The following ASPH variants were observed in gnomAD, a reference collection of about 807,000 sequenced individuals.
The protein encoded by ASPH is aspartyl/asparaginyl beta-hydroxylase.
Under a neutral mutation model 118.4 loss-of-function variants are expected in ASPH, and 100 were observed. The ratio of observed to expected loss-of-function variants is 0.84; its 90% CI spans 0.72 to 1.00. The LOEUF (loss-of-function observed/expected upper bound fraction) is 1.00. ASPH is among the 50% of genes least tolerant of loss of function. ASPH has a pLI of 0.00. For synonymous variants in ASPH, 315 were observed against 325.6 expected (o/e 0.97, Z 0.35); for missense variants, 920 against 919.5 (o/e 1.00, Z -0.01).
intron 14 of ASPH, among the ~76,000 whole-genome samples, chr8:61,603,366 C>T (rs180829347): frequency 4.6e-5 from 7 of 152,146 alleles, no homozygotes; most frequent in African/African-American, 7.2e-5. Flanking sequence ...GACAGCAATT[C>T]GTTTTGTGTG....
intron 24 of ASPH, among the ~76,000 whole-genome samples, chr8:61,511,716 G>C (rs1808884778): frequency 6.6e-6 from 1 of 152,188 alleles, no homozygotes; most frequent in African/African-American, 2.4e-5. Context: ...TGATTCTCCT[G>C]CTTCAGCCTC....
Position 61,676,063 on chromosome 8 carries a change from C to T in ASPH, c.322+4905G>A. 4 of 1,598,824 alleles carry T rather than the reference C, an allele frequency of 2.5e-6. No individual in the cohort carries two copies. In the South Asian group the frequency reaches 3.3e-5, roughly 13 times the overall value. On this transcript the variant is annotated intron_variant, in intron 3 of 24. Coordinates refer to ENST00000379454, the MANE Select transcript of ASPH (RefSeq NM_004318.4). ...TGTTCATTAGCCAATGACTTCAGTC[C>T]CTGAATCAAGGTTACTGGTTATGTA... is the stretch of plus-strand genomic sequence containing the variant.
At chr8:61,553,330 C>G (rs554192991) in intron 19 of ASPH, among the ~76,000 whole-genome samples, 10 of 152,334 alleles carry the variant, frequency 6.6e-5, no homozygotes, top group African/African-American at 2.2e-4. Flanking sequence ...ACAATGCATT[C>G]ATCATTAATT....
At chr8:61,632,439 G>C (rs1212832250) in intron 13 of ASPH, among the ~76,000 whole-genome samples, 1 of 152,060 alleles carries the variant, frequency 6.6e-6, no homozygotes, top group Non-Finnish European at 1.5e-5. Context: ...TCTGTAACTG[G>C]TCCTGCCTCT....
intron 16 of ASPH, 190 bp downstream of exon 16, chr8:61,576,582 G>T (rs1212453662): frequency 1.4e-5 from 7 of 487,816 alleles, no homozygotes; most frequent in Middle Eastern, 3.9e-4. Flanking sequence ...TATGGAGGGG[G>T]AGCAGAAAAA....
chr8:61,691,241 T>G (rs1240792733), intron 1 of ASPH, among the ~76,000 whole-genome samples: 1 of 152,168 alleles, frequency 6.6e-6, no homozygotes, highest in Non-Finnish European at 1.5e-5. Context: ...AACTATTGAA[T>G]GCATGGTAAG....
chr8:61,687,141 T>C (rs1265703986), intron 1 of ASPH, among the ~76,000 whole-genome samples: 1 of 151,904 alleles, frequency 6.6e-6, no homozygotes, highest in Admixed American at 6.6e-5. Context: ...AACAAAGTAA[T>C]AGTTTGAATT....
intron 14 of ASPH, among the ~76,000 whole-genome samples, chr8:61,612,436 T>A (rs1361321189): frequency 6.6e-6 from 1 of 151,316 alleles, no homozygotes; most frequent in Non-Finnish European, 1.5e-5. Flanking sequence ...GGCAGTGGTG[T>A]GATTTCAGCT....
At chr8:61,550,438 T>TAC (rs1208727854) in intron 20 of ASPH, among the ~76,000 whole-genome samples, 8 of 71,530 alleles carry the variant, frequency 1.1e-4, no homozygotes, top group Non-Finnish European at 1.9e-4. Context: ...TATGCACATG[T>TAC]ACATACACAC....
intron 21 of ASPH, among the ~76,000 whole-genome samples, chr8:61,539,699 GGT>G (rs10522481): frequency 0.023 from 2,904 of 124,288 alleles, 47 homozygotes; most frequent in South Asian, 0.056. Context: ...ACACTTCTGG[GGT>G]GTGTGTGTGT....
rs1175027250 is a variant in ASPH, at chr8:61,579,244, G to T, written c.1063-2386C>A. 2.5e-6 allele frequency: 4 copies of T among 1,613,834 alleles called. No homozygotes were observed. The East Asian group carries it at 8.9e-5, about 36-fold the overall frequency. On this transcript the variant is annotated intron_variant, in intron 15 of 24. Transcript: ENST00000379454. ...GCCATTGCAGATGCCGAGCAGCGTG[G>T]AGAGCTGGCCATTAAGGATGCCAAC...
chr8:61,531,582 T>C (rs1817572990), intron 21 of ASPH, among the ~76,000 whole-genome samples: 1 of 152,010 alleles, frequency 6.6e-6, no homozygotes, highest in African/African-American at 2.4e-5. Context: ...AAATGTATAG[T>C]TGACAGAGAT....
chr8:61,550,765 A>G (rs1452637275), intron 20 of ASPH, among the ~76,000 whole-genome samples: 4 of 152,228 alleles, frequency 2.6e-5, no homozygotes, highest in African/African-American at 4.8e-5. Flanking sequence ...AACTGAGACC[A>G]AGCAAGAAAC....
chr8:61,664,870 T>C (rs1313083960), intron 3 of ASPH: 2 of 997,030 alleles, frequency 2.0e-6, no homozygotes, highest in African/African-American at 3.5e-5. Context: ...TCCCTGAGTA[T>C]TTAGCATACT....
In ASPH at chr8:61,618,982, T is replaced by C. The variant is rs774225433; in HGVS notation, c.972A>G (p.Ala324=). The change falls in exon 14 of 25, where the codon GCA becomes GCG. Residue 324 remains alanine, a synonymous_variant. Coordinates refer to ENST00000379454, the MANE Select transcript of ASPH (RefSeq NM_004318.4). ...CTGTTTATTTGACAATCTCACCTTT[T>C]GCTTTTTGTTCTGGATCATCTGTTT... ...NRKTDDPEQK[A]KVKKKKPKLL... 2.1e-5 allele frequency: 33 copies of C among 1,604,118 alleles called. No homozygotes were observed. The highest frequency in any genetic ancestry group is 2.0e-4 in the Admixed American group (12 of 59,786).
chr8:61,637,564 A>C (rs1309740495), intron 12 of ASPH, among the ~76,000 whole-genome samples: 1 of 151,568 alleles, frequency 6.6e-6, no homozygotes, highest in East Asian at 1.9e-4. Context: ...TTGTTTTCCC[A>C]GGTGAGTCAT....
In ASPH at chr8:61,628,919, T is replaced by C. The variant is rs117644757; in HGVS notation, c.934+4764A>G. Among the ~76,000 whole-genome samples the C allele has an allele frequency of 2.6e-3, 400 of 152,320 alleles. 2 individuals carry two copies. Among genetic ancestry groups the C allele is most frequent in the Admixed American group, 4.4e-3 (67 of 15,306 alleles). On this transcript the variant is annotated intron_variant, in intron 13 of 24. Coordinates refer to ENST00000379454, the MANE Select transcript of ASPH (RefSeq NM_004318.4). ...AGATGATCAATAACAACAATATATA[T>C]ATAAAGCACTTATGGAATATTAGCT...
chr8:61,529,660 T>C (rs1333566694), intron 21 of ASPH, among the ~76,000 whole-genome samples: 5 of 152,244 alleles, frequency 3.3e-5, no homozygotes, highest in Non-Finnish European at 7.3e-5. Flanking sequence ...CATGTGTATG[T>C]CTATTCAGGA....
chr8:61,578,400 G>A, intron 15 of ASPH: 1 of 1,604,600 alleles, frequency 6.2e-7, no homozygotes, highest in Non-Finnish European at 8.5e-7. Context: ...CAGCGGCATG[G>A]GAGGCATCAC....
Sources: allele counts gnomAD v4.1 joint callset (sites outside exome capture counted in the v4.1 genomes callset), GRCh38; gene constraint gnomAD v4.1.1; transcripts MANE v1.5; gene names NCBI Gene and HGNC (gene_info 2026-07-23, HGNC 2026-07-21).